Variants in G2E3 observed in about 807,000 individuals in gnomAD.
G2E3 encodes the protein G2/M phase-specific E3 ubiquitin-protein ligase.
In G2E3, 35 loss-of-function variants were observed where a neutral mutation model predicts 92.8. The ratio of observed to expected loss-of-function variants is 0.38; its 90% CI spans 0.29 to 0.50. G2E3 has a LOEUF of 0.50. Among genes scored for constraint, G2E3 ranks in the 20% least tolerant of loss-of-function variants. The pLI, the probability that G2E3 is intolerant of heterozygous loss-of-function variation, is 0.94. For synonymous variants in G2E3, 242 were observed against 272.4 expected (o/e 0.89, Z 1.10); for missense variants, 554 against 823.8 (o/e 0.67, Z 4.01).
intron 13 of G2E3, 60 bp from the exon 14 acceptor site, chr14:30,615,289 C>A: frequency 2.4e-6 from 2 of 830,152 alleles, no homozygotes; most frequent in Non-Finnish European, 3.7e-6. Flanking sequence ...GGAAATATTC[C>A]CTAATATAAT....
intron 10 of G2E3, among the ~76,000 whole-genome samples, 195 bp downstream of exon 10, chr14:30,602,326 A>G (rs567388294): frequency 6.6e-6 from 1 of 152,234 alleles, no homozygotes; most frequent in African/African-American, 2.4e-5. Context: ...GATAGAATAG[A>G]ATACAAAATA....
chr14:30,607,368 AC>A (rs1171595592), intron 11 of G2E3, among the ~76,000 whole-genome samples: 1 of 152,182 alleles, frequency 6.6e-6, no homozygotes, highest in Non-Finnish European at 1.5e-5. Context: ...GTAGCCTACT[AC>A]ACACCAAGGC....
In G2E3 at chr14:30,590,916, T is replaced by A. The variant is rs539156435; in HGVS notation, c.238-1407T>A. On this transcript the variant is annotated intron_variant, in intron 4 of 14. Transcript: ENST00000206595. ...CCAGAATTTTAGATTTGAAATTTTT[T>A]TCAGATTTAGGAATATTTGCTTACC... The A allele has an allele frequency of 1.2e-4, 34 of 293,810 alleles. 2 individuals are homozygous for A. Among genetic ancestry groups the A allele is most frequent in the South Asian group, 9.8e-4 (31 of 31,654 alleles). The allele number at this position is 293,810 out of a possible 1,614,324, so 18.2% of individuals were successfully genotyped here. A position where few individuals can be genotyped will look rare whatever the true frequency, so the allele number is the denominator to read the frequency against.
chr14:30,574,950 A>G (rs1441376141), intron 1 of G2E3, among the ~76,000 whole-genome samples: 1 of 152,118 alleles, frequency 6.6e-6, no homozygotes. Context: ...CAGTAATGAG[A>G]TTGCTGGGTA....
At chr14:30,561,872 T>G (rs953728847) in intron 1 of G2E3, among the ~76,000 whole-genome samples, 2 of 152,088 alleles carry the variant, frequency 1.3e-5, no homozygotes, top group African/African-American at 4.8e-5. Context: ...AGGCTTGGCT[T>G]TTTTCTGAGA....
chr14:30,559,751 A>C (rs938733166), intron 1 of G2E3: 1 of 152,188 alleles, frequency 6.6e-6, no homozygotes, highest in African/African-American at 2.4e-5. Flanking sequence ...CCTGAGAGAG[A>C]TACCCGGGCA....
At chr14:30,573,409 ATGTGTGTGTGTGTG>A (rs10552989) in intron 1 of G2E3, 1 of 148,780 alleles carries the variant, frequency 6.7e-6, no homozygotes, top group Non-Finnish European at 1.5e-5. Flanking sequence ...ACAACAGGAT[ATGTGTGTGTGTGTG>A]TGTGTGTGCG....
intron 1 of G2E3, among the ~76,000 whole-genome samples, chr14:30,571,478 GTTTT>G (rs1192546200): frequency 2.0e-5 from 3 of 151,772 alleles, no homozygotes; most frequent in Non-Finnish European, 2.9e-5. Context: ...ATTCATCAGT[GTTTT>G]TTATGATTCA....
At chr14:30,569,833 C>T (rs1001782384) in intron 1 of G2E3, among the ~76,000 whole-genome samples, 3 of 152,156 alleles carry the variant, frequency 2.0e-5, no homozygotes, top group Non-Finnish European at 4.4e-5. Flanking sequence ...GAGCAACTTC[C>T]AGAAGAAATT....
chr14:30,567,172 G>A (rs974010391), intron 1 of G2E3, among the ~76,000 whole-genome samples: 3 of 152,068 alleles, frequency 2.0e-5, no homozygotes, highest in African/African-American at 7.2e-5. Context: ...TTGGTATCGG[G>A]GTATTGGTGG....
rs1555337868 is a variant in G2E3, at chr14:30,577,238, A to AAAG, written c.-4-3836_-4-3835insGAA. Among the ~76,000 whole-genome samples the AAAG allele has an allele frequency of 7.3e-5, 11 of 150,864 alleles. No individual in the cohort carries two copies. The South Asian group carries it at 1.7e-3, about 23-fold the overall frequency. On this transcript the variant is annotated intron_variant, in intron 1 of 14. Transcript: ENST00000206595. ...GACTCTGTCTCAAAAAAAAAAAAAAAAAAAAGAAAAAGAAAAAATGTTGGG... is the reference window on the plus strand; with the variant it reads ...GACTCTGTCTCAAAAAAAAAAAAAAAAAGAAAAAGAAAAAGAAAAAATGTTGGG...
At chr14:30,601,700 G>A in intron 8 of G2E3, 70 bp from the exon 9 acceptor site, 1 of 1,496,368 alleles carries the variant, frequency 6.7e-7, no homozygotes, top group Non-Finnish European at 9.3e-7. Context: ...GGCAGGCCCT[G>A]TGGACATTGC....
intron 8 of G2E3, among the ~76,000 whole-genome samples, chr14:30,600,150 T>C (rs1881496005): frequency 6.6e-6 from 1 of 152,160 alleles, no homozygotes; most frequent in South Asian, 2.1e-4. Context: ...CATAGTAAGC[T>C]CAGTGTATAG....
chr14:30,601,270 T>C (rs1174952873), intron 8 of G2E3, among the ~76,000 whole-genome samples: 1 of 152,142 alleles, frequency 6.6e-6, no homozygotes, highest in Non-Finnish European at 1.5e-5. Flanking sequence ...TGGGGAAACA[T>C]GGAGCTGGGA....
At chr14:30,569,483 C>G (rs1440427557) in intron 1 of G2E3, among the ~76,000 whole-genome samples, 1 of 152,208 alleles carries the variant, frequency 6.6e-6, no homozygotes, top group Non-Finnish European at 1.5e-5. Flanking sequence ...TTTAATTGCT[C>G]TGTCACATAA....
chr14:30,580,959 T>G (rs1446864238), intron 1 of G2E3, 117 bp from the exon 2 acceptor site: 2 of 662,362 alleles, frequency 3.0e-6, no homozygotes, highest in East Asian at 2.8e-5. Flanking sequence ...TAAGAAAAAT[T>G]TAAATACTAG....
chr14:30,567,390 A>G lies in G2E3; in HGVS notation c.-5+8118A>G, dbSNP rs185716707. On this transcript the variant is annotated intron_variant, in intron 1 of 14. Transcript: ENST00000206595. ...TCTATTTCTTCTTGTCACTTTTGTT[A>G]TTTGTTTAACCTATTGTTTAATTTG... is the stretch of plus-strand genomic sequence containing the variant. Among the ~76,000 whole-genome samples the G allele has an allele frequency of 4.6e-5, 7 of 152,080 alleles. No individual in the cohort carries two copies. The East Asian group carries it at 1.4e-3, about 29-fold the overall frequency.
At chr14:30,567,491 G>A (rs879424692) in intron 1 of G2E3, among the ~76,000 whole-genome samples, 12 of 151,852 alleles carry the variant, frequency 7.9e-5, no homozygotes, top group Non-Finnish European at 1.0e-4. Context: ...TAGGTCTGTA[G>A]CAGTGTCCCA....
chr14:30,592,327 G>A lies in G2E3; in HGVS notation c.242G>A (p.Cys81Tyr). 4 of 1,612,268 alleles carry A rather than the reference G, an allele frequency of 2.5e-6. No individual in the cohort carries two copies. Among genetic ancestry groups the A allele is most frequent in the Non-Finnish European group, 3.4e-6 (4 of 1,178,754 alleles). ...TATTTTCACATACTCTTCTAGAAATGCTGTGTTTGCAAGAAAAATGGTGCT... is the reference window on the plus strand; with the variant it reads ...TATTTTCACATACTCTTCTAGAAATACTGTGTTTGCAAGAAAAATGGTGCT... ...KEVNRASKLK[C>Y]CVCKKNGASI... The change falls in exon 5 of 15, where the codon TGC becomes TAC. Residue 81 changes from cysteine to tyrosine, a missense_variant. By Grantham distance (194) the Cys-to-Tyr change is radical. Coordinates refer to ENST00000206595, the MANE Select transcript of G2E3 (RefSeq NM_017769.5).
Sources: gnomAD v4.1 joint callset for allele counts (sites outside exome capture counted in the v4.1 genomes callset) on GRCh38, gnomAD v4.1.1 for gene constraint, MANE v1.5 for transcripts, NCBI Gene and HGNC (gene_info 2026-07-23, HGNC 2026-07-21) for gene names.